COMMD10: variants seen among roughly 807,000 people sequenced by gnomAD.
COMMD10 encodes the protein COMM domain containing 10, also known as COMM domain-containing protein 10.
In COMMD10, 33 loss-of-function variants were observed where a neutral mutation model predicts 28.9. That is an observed-to-expected ratio of 1.14 (90% confidence interval 0.87 to 1.53). The LOEUF (loss-of-function observed/expected upper bound fraction) is 1.53, where lower values mean the gene tolerates loss of function less well. COMMD10 is among the 40% of genes most tolerant of loss of function. COMMD10 has a pLI of 0.00. For synonymous variants in COMMD10, 110 were observed against 81.7 expected (o/e 1.35, Z -1.87); for missense variants, 310 against 233.4 (o/e 1.33, Z -2.14).
At chr5:116,230,275 A>C (rs1464145695) in intron 5 of COMMD10, among the ~76,000 whole-genome samples, 1 of 152,022 alleles carries the variant, frequency 6.6e-6, no homozygotes, top group Non-Finnish European at 1.5e-5. Context: ...ATGGTGTAGT[A>C]GCATCTTAAA....
chr5:116,100,851 A>G (rs138200945), intron 4 of COMMD10, among the ~76,000 whole-genome samples: 1 of 152,098 alleles, frequency 6.6e-6, no homozygotes, highest in African/African-American at 2.4e-5. Context: ...ATAATGGTGA[A>G]TTCAGGACTT....
intron 5 of COMMD10, chr5:116,255,926 T>G (rs573559534): frequency 2.6e-5 from 4 of 151,694 alleles, no homozygotes; most frequent in South Asian, 4.2e-4. Context: ...GGGAATTGAA[T>G]GTAGTGTTCA....
At chr5:116,188,147 T>C (rs865929528) in intron 5 of COMMD10, among the ~76,000 whole-genome samples, 1 of 152,180 alleles carries the variant, frequency 6.6e-6, no homozygotes, top group Non-Finnish European at 1.5e-5. Flanking sequence ...CTGATTTTAT[T>C]TGACCAATTA....
intron 5 of COMMD10, among the ~76,000 whole-genome samples, chr5:116,143,657 T>C (rs2112540912): frequency 6.6e-6 from 1 of 151,972 alleles, no homozygotes; most frequent in Non-Finnish European, 1.5e-5. Context: ...GAAATGACAG[T>C]AATGTAAATG....
At chr5:116,260,882 T>A (rs1382871452) in intron 5 of COMMD10, among the ~76,000 whole-genome samples, 1 of 151,774 alleles carries the variant, frequency 6.6e-6, no homozygotes, top group Non-Finnish European at 1.5e-5. Context: ...GTGGAGTAAG[T>A]ATTGTGTCTT....
At chr5:116,214,647 T>G (rs72804889) in intron 5 of COMMD10, among the ~76,000 whole-genome samples, 1 of 152,122 alleles carries the variant, frequency 6.6e-6, no homozygotes, top group Non-Finnish European at 1.5e-5. Context: ...TTGAATTGCA[T>G]TGAAATCTCT....
chr5:116,269,343 A>T (rs1750693511), intron 5 of COMMD10, among the ~76,000 whole-genome samples: 1 of 151,814 alleles, frequency 6.6e-6, no homozygotes, highest in Non-Finnish European at 1.5e-5. Flanking sequence ...ATTTTGGGCC[A>T]CCCACCAAAC....
chr5:116,176,873 A>G (rs1753530202), intron 5 of COMMD10, among the ~76,000 whole-genome samples: 1 of 152,172 alleles, frequency 6.6e-6, no homozygotes, highest in Admixed American at 6.5e-5. Context: ...AAAAGTGTAA[A>G]GAGAACTGTA....
intron 5 of COMMD10, among the ~76,000 whole-genome samples, chr5:116,209,432 A>C (rs376700797): frequency 6.6e-6 from 1 of 152,312 alleles, no homozygotes; most frequent in African/African-American, 2.4e-5. Context: ...GGCAAATCAC[A>C]ACCAAAAGCT....
In COMMD10 at chr5:116,186,677, C is replaced by G. The variant is rs78111035; in HGVS notation, c.510+52499C>G. On this transcript the variant is annotated intron_variant, in intron 5 of 6. Transcript: ENST00000274458. Reference sequence around the variant, plus strand: ...ATGTTGGCTTCTAGAGATTAGGGATCCCACTGGTTATAGGACTGGAGAGGG... The same window carrying G: ...ATGTTGGCTTCTAGAGATTAGGGATGCCACTGGTTATAGGACTGGAGAGGG... Among the ~76,000 whole-genome samples, 8 of 152,202 alleles carry G rather than the reference C, an allele frequency of 5.3e-5. No individual in the cohort carries two copies. In the East Asian group the frequency reaches 1.4e-3, roughly 26 times the overall value.
intron 5 of COMMD10, among the ~76,000 whole-genome samples, chr5:116,179,798 AAAGATTG>A (rs1214180015): frequency 5.9e-5 from 9 of 152,104 alleles, no homozygotes; most frequent in Non-Finnish European, 1.5e-5. Context: ...GGTAACCATG[AAAGATTG>A]AAGTAATATT....
At chr5:116,125,741 G>A (rs1318489980) in intron 4 of COMMD10, among the ~76,000 whole-genome samples, 3 of 152,044 alleles carry the variant, frequency 2.0e-5, no homozygotes, top group Admixed American at 6.6e-5. Flanking sequence ...TGAAGGCTTT[G>A]TTCGTTTCTT....
chr5:116,205,990 T>C (rs1748802866), intron 5 of COMMD10, among the ~76,000 whole-genome samples: 1 of 152,214 alleles, frequency 6.6e-6, no homozygotes, highest in East Asian at 1.9e-4. Flanking sequence ...TGATAGTGTC[T>C]GGAAGTAAAA....
At chr5:116,277,143 A>G (rs933390936) in intron 5 of COMMD10, among the ~76,000 whole-genome samples, 9 of 151,908 alleles carry the variant, frequency 5.9e-5, no homozygotes, top group African/African-American at 1.9e-4. Flanking sequence ...TTTAGGTATC[A>G]TTGTACAAAC....
In COMMD10 at chr5:116,172,766, A is replaced by G. The variant is rs1753379323; in HGVS notation, c.510+38588A>G. 4.6e-5 allele frequency among the ~76,000 whole-genome samples: 7 copies of G among 152,274 alleles called. No individual in the cohort carries two copies. The South Asian group carries it at 1.4e-3, about 32-fold the overall frequency. ...CCTGGCTGTGCATAGATGTGGGTTA[A>G]AATTAAAATATTACTAACCTTTCCT... On this transcript the variant is annotated intron_variant, in intron 5 of 6. Transcript: ENST00000274458.
intron 5 of COMMD10, among the ~76,000 whole-genome samples, chr5:116,272,984 G>A (rs968505316): frequency 6.6e-6 from 1 of 151,620 alleles, no homozygotes; most frequent in Admixed American, 6.6e-5. Context: ...TTATCCATTT[G>A]GAAACTGCTC....
intron 5 of COMMD10, among the ~76,000 whole-genome samples, chr5:116,275,474 AG>A (rs553296201): frequency 6.6e-6 from 1 of 151,782 alleles, no homozygotes; most frequent in Non-Finnish European, 1.5e-5. Flanking sequence ...TTTGCCTGTT[AG>A]GGCAAAGTAT....
At chr5:116,152,118 A>C (rs933311612) in intron 5 of COMMD10, among the ~76,000 whole-genome samples, 1 of 152,136 alleles carries the variant, frequency 6.6e-6, no homozygotes, top group African/African-American at 2.4e-5. Context: ...TTATGTACCC[A>C]GTAGTCATTC....
chr5:116,192,271 C>A (rs935213697), intron 5 of COMMD10, among the ~76,000 whole-genome samples: 1 of 147,994 alleles, frequency 6.8e-6, no homozygotes, highest in Non-Finnish European at 1.5e-5. Context: ...AACCCCCCCC[C>A]CCAAAAATAA....
Sources: allele counts gnomAD v4.1 joint callset (sites outside exome capture counted in the v4.1 genomes callset), GRCh38; gene constraint gnomAD v4.1.1; transcripts MANE v1.5; gene names NCBI Gene and HGNC (gene_info 2026-07-23, HGNC 2026-07-21).